ANAPC1: variants seen among roughly 807,000 people sequenced by gnomAD.
The protein encoded by ANAPC1 is anaphase promoting complex subunit 1.
A neutral mutation model predicts 208.0 loss-of-function variants in ANAPC1; 36 were observed. The observed-to-expected ratio is 0.17, with a 90% confidence interval of 0.13 to 0.23. ANAPC1 has a LOEUF of 0.23. Ranked by LOEUF, ANAPC1 falls within the 10% of genes least tolerant of loss-of-function variation. The pLI, the probability that ANAPC1 is intolerant of heterozygous loss-of-function variation, is 1.00. For synonymous variants in ANAPC1, 378 were observed against 695.2 expected, an observed-to-expected ratio of 0.54 and a Z score of 7.18; for missense variants, 942 against 2,011.6, an observed-to-expected ratio of 0.47 and a Z score of 10.17.
At chr2:111,880,240 T>G (rs1391388831) in intron 2 of ANAPC1, among the ~76,000 whole-genome samples, 11 of 150,148 alleles carry the variant, frequency 7.3e-5, no homozygotes, top group Non-Finnish European at 1.5e-5. Context: ...GGGGTGGTGG[T>G]GCATGCCTGT....
intron 40 of ANAPC1, 34 bp from the exon 41 acceptor site, chr2:111,784,434 T>C (rs778096407): frequency 1.9e-6 from 3 of 1,610,238 alleles, no homozygotes; most frequent in East Asian, 2.2e-5. Flanking sequence ...CACAATTCAC[T>C]AGGTAGTCAG....
intron 43 of ANAPC1, among the ~76,000 whole-genome samples, 171 bp downstream of exon 43, chr2:111,782,198 A>G (rs1257764608): frequency 1.3e-5 from 2 of 149,932 alleles, no homozygotes; most frequent in African/African-American, 5.0e-5. Context: ...TATATTCATT[A>G]TATTTTATTA....
At chr2:111,835,874 A>T (rs1680440208) in intron 18 of ANAPC1, among the ~76,000 whole-genome samples, 1 of 152,066 alleles carries the variant, frequency 6.6e-6, no homozygotes, top group Non-Finnish European at 1.5e-5. Context: ...AAAAACTGAT[A>T]AATTGGATAA....
Position 111,823,644 on chromosome 2 carries a change from T to C in ANAPC1, c.2813-1044A>G, listed in dbSNP as rs376133738. ...GCTGCTACTGCTACATGAGTCGACA[T>C]GGATGAATCTTTAAAAAACAAAGTT... On this transcript the variant is annotated intron_variant, in intron 24 of 47. Coordinates refer to ENST00000341068, the MANE Select transcript of ANAPC1 (RefSeq NM_022662.4). Among the ~76,000 whole-genome samples, 142 of 152,268 alleles carry C rather than the reference T, an allele frequency of 9.3e-4. 1 individual carries two copies. Among genetic ancestry groups the C allele is most frequent in the African/African-American group, 3.2e-3 (135 of 41,548 alleles).
intron 28 of ANAPC1, among the ~76,000 whole-genome samples, chr2:111,813,607 G>A (rs1306070994): frequency 6.7e-6 from 1 of 150,282 alleles, no homozygotes; most frequent in Non-Finnish European, 1.5e-5. Context: ...AATAACCTAA[G>A]GATGCAGGGC....
chr2:111,802,905 A>C (rs1324863744), intron 32 of ANAPC1: 3 of 238,684 alleles, frequency 1.3e-5, no homozygotes, highest in African/African-American at 3.3e-5. Context: ...TAATAGACTA[A>C]AGACATGGCA....
intron 6 of ANAPC1, 107 bp from the exon 7 acceptor site, chr2:111,868,203 CCTA>C (rs1682542508): frequency 6.7e-6 from 4 of 596,278 alleles, no homozygotes; most frequent in Non-Finnish European, 1.2e-5. Flanking sequence ...CAACTAGAAA[CCTA>C]CTATCTCAAA....
At chr2:111,864,205 A>G (rs1682258085) in intron 8 of ANAPC1, among the ~76,000 whole-genome samples, 1 of 151,910 alleles carries the variant, frequency 6.6e-6, no homozygotes, top group South Asian at 2.1e-4. Flanking sequence ...ACACATTTGT[A>G]GTCCTAGCTA....
At chr2:111,783,592 T>G (rs1451422945) in intron 42 of ANAPC1, among the ~76,000 whole-genome samples, 2 of 152,164 alleles carry the variant, frequency 1.3e-5, no homozygotes, top group African/African-American at 4.8e-5. Context: ...CTAATACACT[T>G]TCTTAAACTA....
At position 111,813,979 on chromosome 2, in the gene ANAPC1, ATCTC is replaced by A. The variant is rs1679119557; in HGVS notation, c.3597+1387_3597+1390del. ...CTGTTTGGGCAGGCAATCTCAAAAG[ATCTC>A]TCTGAGTTCTTTCAAACTCAAGTTA... is the stretch of plus-strand genomic sequence containing the variant. On this transcript the variant is annotated intron_variant, in intron 28 of 47. Transcript: ENST00000341068. Among the ~76,000 whole-genome samples, 5 of 151,900 alleles carry A rather than the reference ATCTC, an allele frequency of 3.3e-5. No homozygotes were observed. The South Asian group carries it at 1.0e-3, about 32-fold the overall frequency.
intron 6 of ANAPC1, among the ~76,000 whole-genome samples, chr2:111,870,065 G>A (rs1368111676): frequency 6.6e-6 from 1 of 152,144 alleles, no homozygotes. Flanking sequence ...CCTCGTTATG[G>A]CTGATTAGTA....
intron 39 of ANAPC1, among the ~76,000 whole-genome samples, 186 bp downstream of exon 39, chr2:111,788,048 A>T (rs1406005308): frequency 2.6e-5 from 4 of 151,718 alleles, no homozygotes; most frequent in Admixed American, 2.6e-4. Context: ...TCAGGTGTCC[A>T]AAGTTATCCT....
At chr2:111,808,741 G>A (rs1204814627) in intron 29 of ANAPC1, among the ~76,000 whole-genome samples, 1 of 151,078 alleles carries the variant, frequency 6.6e-6, no homozygotes, top group Non-Finnish European at 1.5e-5. Context: ...AATAAACATG[G>A]AGGTTAATAA....
At chr2:111,789,146 A>G in intron 38 of ANAPC1, among the ~76,000 whole-genome samples, 1 of 152,266 alleles carries the variant, frequency 6.6e-6, no homozygotes. Flanking sequence ...TCAAAAAAAA[A>G]AAAAAGTTAC....
chr2:111,782,094 A>C (rs1677313155), intron 43 of ANAPC1, among the ~76,000 whole-genome samples: 1 of 151,794 alleles, frequency 6.6e-6, no homozygotes, highest in Admixed American at 6.6e-5. Context: ...TTACAGTGTC[A>C]AGATATGGTG....
chr2:111,838,098 G>C (rs144299819), intron 18 of ANAPC1, among the ~76,000 whole-genome samples: 1,475 of 85,916 alleles, frequency 0.017, 51 homozygotes, highest in Non-Finnish European at 0.034. Flanking sequence ...AAAAAAAAAG[G>C]AATATACCAT....
intron 10 of ANAPC1, among the ~76,000 whole-genome samples, chr2:111,860,426 A>T (rs1386339020): frequency 6.8e-6 from 1 of 146,608 alleles, no homozygotes; most frequent in South Asian, 2.3e-4. Context: ...ATTCCTATTC[A>T]AAGGCAAACT....
In ANAPC1 at chr2:111,839,058, T is replaced by C. The variant is rs1333212748; in HGVS notation, c.2041-546A>G. Reference sequence around the variant, plus strand: ...CTCCTTTGAAGTTAGGTGTGACCCTTTGACAGAGTTAATTATAAATGGAAG... The same window carrying C: ...CTCCTTTGAAGTTAGGTGTGACCCTCTGACAGAGTTAATTATAAATGGAAG... On this transcript the variant is annotated intron_variant, in intron 17 of 47. Transcript: ENST00000341068. Among the ~76,000 whole-genome samples the C allele has an allele frequency of 3.3e-5, 5 of 152,140 alleles. No homozygotes were observed. In the East Asian group the frequency reaches 7.7e-4, roughly 23 times the overall value.
intron 14 of ANAPC1, among the ~76,000 whole-genome samples, chr2:111,849,063 A>G (rs1363721710): frequency 6.6e-6 from 1 of 152,218 alleles, no homozygotes; most frequent in Non-Finnish European, 1.5e-5. Context: ...TTCAATTTAT[A>G]TATCTCTAAG....
Sources: allele counts gnomAD v4.1 joint callset (sites outside exome capture counted in the v4.1 genomes callset), GRCh38; gene constraint gnomAD v4.1.1; transcripts MANE v1.5; gene names NCBI Gene and HGNC (gene_info 2026-07-23, HGNC 2026-07-21).